The following UNC13C variants were observed in gnomAD, a reference collection of about 807,000 sequenced individuals.
UNC13C encodes protein unc-13 homolog C.
UNC13C carries 174 observed loss-of-function variants against 245.4 expected under a neutral mutation model. The observed-to-expected ratio is 0.71, with a 90% CI of 0.63 to 0.80. UNC13C has a LOEUF of 0.80. UNC13C is among the 30% of genes least tolerant of loss of function. UNC13C has a pLI of 0.00. For synonymous variants in UNC13C, 992 were observed against 895.1 expected (o/e 1.11, Z -1.93); for missense variants, 2,829 against 2,602.9 (o/e 1.09, Z -1.89).
chr15:54,539,497 T>C (rs1896146240), intron 26 of UNC13C, among the ~76,000 whole-genome samples: 1 of 152,054 alleles, frequency 6.6e-6, no homozygotes, highest in Non-Finnish European at 1.5e-5. Context: ...GACATTTTTA[T>C]CTTAGTATAC....
At chr15:54,334,788 A>T (rs1444364761) in intron 16 of UNC13C, among the ~76,000 whole-genome samples, 1 of 152,154 alleles carries the variant, frequency 6.6e-6, no homozygotes, top group Non-Finnish European at 1.5e-5. Flanking sequence ...GACCCAATCA[A>T]GTTGACTTAG....
At chr15:54,435,176 T>A (rs142869474) in intron 19 of UNC13C, among the ~76,000 whole-genome samples, 2,409 of 152,240 alleles carry the variant, frequency 0.016, 29 homozygotes, top group Non-Finnish European at 0.028. Flanking sequence ...ATGTGGCAAT[T>A]CCTCAAAGAT....
chr15:54,381,348 A>G (rs2039719916), intron 17 of UNC13C, among the ~76,000 whole-genome samples: 1 of 152,034 alleles, frequency 6.6e-6, no homozygotes, highest in Non-Finnish European at 1.5e-5. Flanking sequence ...TTTGGTTACT[A>G]TGGCTTTGTA....
chr15:54,434,377 C>G lies in UNC13C; in HGVS notation c.4933+19310C>G, dbSNP rs527420247. ...GTAACCAAACAGCATGGTACTGGTA[C>G]CAAACCAGATGTATAGACCAATGGA... On this transcript the variant is annotated intron_variant, in intron 19 of 32. Coordinates refer to ENST00000260323, the MANE Select transcript of UNC13C (RefSeq NM_001080534.3). Among the ~76,000 whole-genome samples, 34 of 152,144 alleles carry G rather than the reference C, an allele frequency of 2.2e-4. No individual in the cohort carries two copies. The South Asian group carries it at 4.8e-3, about 21-fold the overall frequency.
At position 54,627,124 on chromosome 15, in the gene UNC13C, G is replaced by A. The variant is rs767342003; in HGVS notation, c.*11G>A. On this transcript the variant is annotated 3_prime_UTR_variant, in exon 33 of 33. Transcript: ENST00000260323. ...GAAGAGAGTGCTTGAAACAAACACTGCAAGCTAAATACATAACTATAATTG... is the reference window on the plus strand; with the variant it reads ...GAAGAGAGTGCTTGAAACAAACACTACAAGCTAAATACATAACTATAATTG... 5.6e-6 allele frequency: 9 copies of A among 1,598,656 alleles called. No homozygotes were observed. The highest frequency in any genetic ancestry group is 2.2e-5 in the East Asian group (1 of 44,680).
At chr15:53,955,655 C>A in the UNC13C span, 2 of 152,056 alleles carry the variant, frequency 1.3e-5, no homozygotes, top group African/African-American at 4.8e-5. Flanking sequence ...TGGGAAGTGG[C>A]AGCAGCTCAA....
chr15:53,992,752 A>G (rs28439702), intron 1 of UNC13C, among the ~76,000 whole-genome samples: 2 of 152,084 alleles, frequency 1.3e-5, no homozygotes, highest in African/African-American at 4.8e-5. Flanking sequence ...GGAAGAATCT[A>G]TATGGTGACA....
intron 21 of UNC13C, 117 bp from the exon 22 acceptor site, chr15:54,500,718 A>G: frequency 1.3e-6 from 1 of 798,270 alleles, no homozygotes. Flanking sequence ...GCATTTTATT[A>G]CTGGGAAATG....
chr15:53,985,736 C>G (rs922927490), intron 1 of UNC13C, among the ~76,000 whole-genome samples: 1 of 151,998 alleles, frequency 6.6e-6, no homozygotes, highest in African/African-American at 2.4e-5. Flanking sequence ...ATAACCATGT[C>G]ACATTATAGG....
the UNC13C span, chr15:53,913,573 G>C: frequency 4.5e-4 from 69 of 152,308 alleles, 1 homozygote; most frequent in Admixed American, 4.3e-3. Context: ...TTTCCCAACA[G>C]TGGGGTGGGT....
At chr15:54,505,762 T>TTTTTTTA (rs1894445546) in intron 22 of UNC13C, among the ~76,000 whole-genome samples, 1 of 150,678 alleles carries the variant, frequency 6.6e-6, no homozygotes, top group African/African-American at 2.4e-5. Context: ...TTTTTTTTTT[T>TTTTTTTA]GAGACAATCT....
chr15:54,601,397 G>C (rs1419489514), intron 30 of UNC13C, among the ~76,000 whole-genome samples: 2 of 152,174 alleles, frequency 1.3e-5, no homozygotes, highest in Non-Finnish European at 1.5e-5. Context: ...CTGTGGTTTA[G>C]AGGAGAAGGA....
intron 17 of UNC13C, among the ~76,000 whole-genome samples, chr15:54,362,203 G>T (rs2039248892): frequency 6.6e-6 from 1 of 152,162 alleles, no homozygotes; most frequent in Non-Finnish European, 1.5e-5. Flanking sequence ...GAGCCTTCCT[G>T]GCACTCCCAG....
At chr15:54,010,749 G>T (rs1363276757) in intron 1 of UNC13C, among the ~76,000 whole-genome samples, 1 of 152,132 alleles carries the variant, frequency 6.6e-6, no homozygotes, top group Admixed American at 6.6e-5. Context: ...AATTGCCATA[G>T]TCTAGATGAG....
intron 13 of UNC13C, among the ~76,000 whole-genome samples, chr15:54,317,649 A>G (rs1456088476): frequency 6.6e-6 from 1 of 151,954 alleles, no homozygotes; most frequent in Non-Finnish European, 1.5e-5. Context: ...ATCATGTACA[A>G]TATGATGCCT....
chr15:54,013,191 A>T lies in UNC13C; in HGVS notation c.288A>T (p.Val96=). ...FSLSPTFSYR[V]AIANGLQKNA... ...TCTCACCAACATTCAGTTACCGAGT[A>T]GCTATTGCCAATGGCCTACAAAAGA... The change falls in exon 2 of 33, where the codon GTA becomes GTT. Residue 96 remains valine, a synonymous_variant. Coordinates refer to ENST00000260323, the MANE Select transcript of UNC13C (RefSeq NM_001080534.3). The T allele has an allele frequency of 6.2e-7, 1 of 1,613,868 alleles. No individual in the cohort carries two copies.
At chr15:54,431,573 T>G (rs1178146167) in intron 19 of UNC13C, among the ~76,000 whole-genome samples, 3 of 151,728 alleles carry the variant, frequency 2.0e-5, no homozygotes, top group African/African-American at 7.2e-5. Flanking sequence ...ATAAAACAGA[T>G]CTACTTAAAG....
At chr15:54,120,372 C>T (rs2030583719) in intron 2 of UNC13C, among the ~76,000 whole-genome samples, 1 of 152,088 alleles carries the variant, frequency 6.6e-6, no homozygotes, top group Non-Finnish European at 1.5e-5. Flanking sequence ...GATGATAGCA[C>T]ATTTATTTGC....
At chr15:54,120,086 A>T (rs1243608805) in intron 2 of UNC13C, among the ~76,000 whole-genome samples, 7 of 152,202 alleles carry the variant, frequency 4.6e-5, no homozygotes, top group African/African-American at 1.7e-4. Flanking sequence ...AAGATAATTG[A>T]TGAAGGTGAC....
Sources: gnomAD v4.1 joint callset for allele counts (sites outside exome capture counted in the v4.1 genomes callset) on GRCh38, gnomAD v4.1.1 for gene constraint, MANE v1.5 for transcripts, NCBI Gene and HGNC (gene_info 2026-07-23, HGNC 2026-07-21) for gene names.